The following GDPD5 variants were observed in gnomAD, a reference collection of about 807,000 sequenced individuals.
GDPD5 encodes glycerophosphodiester phosphodiesterase domain containing 5, also known as glycerophosphodiester phosphodiesterase 2.
Under a neutral mutation model 75.1 loss-of-function variants are expected in GDPD5, and 48 were observed. The observed-to-expected ratio is 0.64, with a 90% CI of 0.51 to 0.81. GDPD5 has a LOEUF of 0.81. GDPD5 is among the 40% of genes least tolerant of loss of function. The probability of loss-of-function intolerance (pLI) is 0.00; values close to 1 mark genes in which losing one functional copy is unlikely to be tolerated. For missense variants in GDPD5, 706 were observed against 822.6 expected (o/e 0.86, Z 1.73); for synonymous variants, 336 against 339.0 (o/e 0.99, Z 0.10).
At chr11:75,483,441 G>T (rs1404660082) in intron 2 of GDPD5, among the ~76,000 whole-genome samples, 1 of 152,118 alleles carries the variant, frequency 6.6e-6, no homozygotes, top group African/African-American at 2.4e-5. Flanking sequence ...GGGACGCACT[G>T]GCCTGCTCCC....
intron 2 of GDPD5, among the ~76,000 whole-genome samples, chr11:75,483,235 C>G (rs1949955915): frequency 6.6e-6 from 1 of 152,134 alleles, no homozygotes; most frequent in Non-Finnish European, 1.5e-5. Flanking sequence ...AGCCTGATGT[C>G]CAAGGCCCCT....
intron 1 of GDPD5, among the ~76,000 whole-genome samples, chr11:75,514,042 C>A (rs186335824): frequency 1.3e-5 from 2 of 152,350 alleles, no homozygotes; most frequent in East Asian, 1.9e-4. Context: ...GGGAAAGGAG[C>A]CACTCCAAGG....
chr11:75,449,650 G>A, intron 7 of GDPD5, 40 bp from the exon 8 acceptor site: 1 of 1,543,378 alleles, frequency 6.5e-7, no homozygotes, highest in African/African-American at 1.4e-5. Context: ...GTAACGCCCA[G>A]CTCTGCCCAG....
intron 3 of GDPD5, among the ~76,000 whole-genome samples, chr11:75,473,702 C>T (rs1949719500): frequency 6.6e-6 from 1 of 152,182 alleles, no homozygotes; most frequent in Admixed American, 6.5e-5. Flanking sequence ...CACCCTTCCC[C>T]GTCCCTGCAC....
At chr11:75,477,453 C>T (rs556587028) in intron 3 of GDPD5, among the ~76,000 whole-genome samples, 166 bp downstream of exon 3, 11 of 152,370 alleles carry the variant, frequency 7.2e-5, no homozygotes, top group South Asian at 2.1e-4. Context: ...TCAGTAGATT[C>T]AGGAATTACT....
chr11:75,481,705 G>A (rs950653878), intron 2 of GDPD5, among the ~76,000 whole-genome samples: 24 of 152,066 alleles, frequency 1.6e-4, no homozygotes, highest in African/African-American at 5.1e-4. Context: ...ACAGCCAGGG[G>A]AGCCAGATCT....
intron 1 of GDPD5, 51 bp from the exon 2 acceptor site, chr11:75,490,371 G>T (rs1950086749): frequency 6.6e-6 from 1 of 152,276 alleles, no homozygotes; most frequent in South Asian, 2.1e-4. Context: ...AGTCCATCCT[G>T]CCTTCTACTG....
At position 75,444,453 on chromosome 11, in the gene GDPD5, C is replaced by A; in HGVS notation, c.757G>T (p.Glu253Ter). 6.2e-7 allele frequency: 1 copy of A among 1,613,834 alleles called. No homozygotes were observed. The highest frequency in any genetic ancestry group is 1.1e-5 in the South Asian group (1 of 91,066). Residue 253 changes from glutamate (E) to a stop codon, truncating the protein, a stop_gained, in exon 10 of 17, where the codon GAG becomes TAG. Transcript: ENST00000336898. LOFTEE classifies it high-confidence loss of function. Reference protein sequence around the residue: ...HTLMSFRKALEQKLYGLQADI... With the variant: ...HTLMSFRKAL ...GCCTGGAGCCCGTACAGCTTCTGCTCGAGGGCCTTCCGGAAGGACATGAGC... is the reference window on the plus strand; with the variant it reads ...GCCTGGAGCCCGTACAGCTTCTGCTAGAGGGCCTTCCGGAAGGACATGAGC...
intron 13 of GDPD5, 34 bp from the exon 14 acceptor site, chr11:75,441,344 G>T: frequency 1.2e-6 from 2 of 1,612,914 alleles, no homozygotes; most frequent in East Asian, 2.2e-5. Flanking sequence ...TCAGCATGCG[G>T]ACCCTGGCAG....
intron 3 of GDPD5, 96 bp downstream of exon 3, chr11:75,477,523 G>T: frequency 1.5e-6 from 1 of 676,878 alleles, no homozygotes; most frequent in Non-Finnish European, 2.4e-6. Flanking sequence ...CCTGTCCAGA[G>T]CGAGTCAGCA....
intron 2 of GDPD5, among the ~76,000 whole-genome samples, chr11:75,484,523 TTGG>T (rs1949982878): frequency 6.6e-6 from 1 of 152,174 alleles, no homozygotes; most frequent in African/African-American, 2.4e-5. Flanking sequence ...CAAACCTTGA[TTGG>T]TATGAGGATA....
intron 1 of GDPD5, among the ~76,000 whole-genome samples, chr11:75,502,168 G>A (rs1274101987): frequency 6.6e-6 from 1 of 152,196 alleles, no homozygotes; most frequent in Non-Finnish European, 1.5e-5. Flanking sequence ...TCACTTTCCA[G>A]TCATTTCCTT....
At chr11:75,479,964 ATGGGTTGTTATCACTTT>A (rs1949870777) in intron 2 of GDPD5, among the ~76,000 whole-genome samples, 1 of 152,180 alleles carries the variant, frequency 6.6e-6, no homozygotes, top group Non-Finnish European at 1.5e-5. Flanking sequence ...TGATGGACAT[ATGGGTTGTTATCACTTT>A]TGGGTTGTTA....
intron 1 of GDPD5, among the ~76,000 whole-genome samples, chr11:75,505,300 C>T (rs546470804): frequency 1.2e-3 from 181 of 152,168 alleles, no homozygotes; most frequent in African/African-American, 4.2e-3. Context: ...GGACCTTTGG[C>T]CCCTGCCTCC....
chr11:75,487,172 C>A (rs1174673800), intron 2 of GDPD5, among the ~76,000 whole-genome samples: 1 of 152,236 alleles, frequency 6.6e-6, no homozygotes, highest in Non-Finnish European at 1.5e-5. Flanking sequence ...TTCCGGGGTG[C>A]TCAAGACTCA....
intron 6 of GDPD5, chr11:75,451,634 G>C (rs1949156369): frequency 1.3e-5 from 2 of 152,272 alleles, no homozygotes; most frequent in African/African-American, 4.8e-5. Flanking sequence ...TCTCCCGGCT[G>C]CCCCCGGCGC....
intron 15 of GDPD5, 187 bp from the exon 16 acceptor site, chr11:75,437,235 C>T (rs962037143): frequency 4.8e-5 from 27 of 565,390 alleles, no homozygotes; most frequent in Middle Eastern, 4.6e-4. Flanking sequence ...TACTGACTCT[C>T]GGCCAGGGCT....
intron 1 of GDPD5, among the ~76,000 whole-genome samples, chr11:75,499,394 CTTTTTT>C (rs376714511): frequency 1.4e-3 from 64 of 45,314 alleles, no homozygotes; most frequent in African/African-American, 2.4e-3. Context: ...TCTTCTTTTC[CTTTTTT>C]TTTTTTTTTT....
At chr11:75,490,735 G>A (rs1950093154) in intron 1 of GDPD5, 1 of 152,262 alleles carries the variant, frequency 6.6e-6, no homozygotes, top group African/African-American at 2.4e-5. Context: ...AAACCAGCTT[G>A]TTCTTCTAAA....
Sources: gnomAD v4.1 joint callset for allele counts (sites outside exome capture counted in the v4.1 genomes callset) on GRCh38, gnomAD v4.1.1 for gene constraint, MANE v1.5 for transcripts, NCBI Gene and HGNC (gene_info 2026-07-23, HGNC 2026-07-21) for gene names.